PUDP: variants seen among roughly 807,000 people sequenced by gnomAD.
PUDP encodes pseudouridine-5'-phosphatase.
PUDP carries 8 observed loss-of-function variants against 9.4 expected under a neutral mutation model. That is an observed-to-expected ratio of 0.85 (90% CI 0.50 to 1.53). The LOEUF (loss-of-function observed/expected upper bound fraction) is 1.53. Among genes scored for constraint, PUDP ranks in the 40% most tolerant of loss-of-function variants. The pLI, the probability that PUDP is intolerant of heterozygous loss-of-function variation, is 0.00. For missense variants in PUDP, 188 were observed against 189.7 expected, an observed-to-expected ratio of 0.99 and a Z score of 0.05; for synonymous variants, 99 against 80.7, an observed-to-expected ratio of 1.23 and a Z score of -1.22.
intron 1 of PUDP, among the ~76,000 whole-genome samples, chrX:7,143,340 C>T (rs1212077373): frequency 9.0e-6 from 1 of 111,485 alleles, no homozygotes; most frequent in African/African-American, 3.3e-5. Context: ...ATAGTTCTCA[C>T]ACATGCCTGT....
chrX:6,756,814 G>T (rs1192849046), intron 3 of PUDP, among the ~76,000 whole-genome samples: 1 of 111,948 alleles, frequency 8.9e-6, no homozygotes, highest in Non-Finnish European at 1.9e-5. Context: ...AGAAGACATG[G>T]CAAGAAAGAC....
chrX:6,943,986 G>A (rs1213095949), intron 3 of PUDP, among the ~76,000 whole-genome samples: 1 of 111,740 alleles, frequency 8.9e-6, no homozygotes, highest in Admixed American at 9.5e-5. Context: ...CTTCCATTTG[G>A]TCATTTTTGT....
intron 1 of PUDP, among the ~76,000 whole-genome samples, chrX:7,106,359 G>A (rs868083918): frequency 8.9e-6 from 1 of 112,016 alleles, no homozygotes; most frequent in African/African-American, 3.2e-5. Context: ...AGGCTGTCAC[G>A]GGATGGTGAA....
At chrX:6,934,416 A>T (rs1928259872) in intron 3 of PUDP, among the ~76,000 whole-genome samples, 1 of 110,285 alleles carries the variant, frequency 9.1e-6, no homozygotes, top group South Asian at 3.9e-4. Flanking sequence ...AAAATACTTT[A>T]CAGAAAAGCA....
chrX:6,745,012 G>T (rs1466851439), intron 3 of PUDP, among the ~76,000 whole-genome samples: 1 of 111,875 alleles, frequency 8.9e-6, no homozygotes, highest in Non-Finnish European at 1.9e-5. Flanking sequence ...AGCAACTACT[G>T]TGACAATCCT....
At chrX:6,733,668 T>G (rs1437256485) in intron 3 of PUDP, among the ~76,000 whole-genome samples, 1 of 109,571 alleles carries the variant, frequency 9.1e-6, no homozygotes, top group Non-Finnish European at 1.9e-5. Flanking sequence ...GCTGCGGATC[T>G]GATTGGAACA....
chrX:7,119,330 T>C (rs1042839788), intron 1 of PUDP, among the ~76,000 whole-genome samples: 2 of 112,770 alleles, frequency 1.8e-5, no homozygotes, highest in Non-Finnish European at 3.7e-5. Flanking sequence ...GTGCTTTATA[T>C]ATACAGGATA....
chrX:6,783,282 CT>C (rs1303205473), intron 3 of PUDP, among the ~76,000 whole-genome samples: 1 of 111,621 alleles, frequency 9.0e-6, no homozygotes, highest in Non-Finnish European at 1.9e-5. Flanking sequence ...TCCCCATGAT[CT>C]TTTTTTTATT....
chrX:6,909,068 C>T (rs1010430746), intron 3 of PUDP, among the ~76,000 whole-genome samples: 2 of 111,746 alleles, frequency 1.8e-5, no homozygotes, highest in Non-Finnish European at 3.8e-5. Flanking sequence ...ATGCTTTTCA[C>T]TGAAAGAGAC....
chrX:6,933,217 C>T (rs1602678881), intron 3 of PUDP, among the ~76,000 whole-genome samples: 1 of 108,695 alleles, frequency 9.2e-6, no homozygotes, highest in Admixed American at 1.0e-4. Flanking sequence ...CCTGAGCAGC[C>T]TAACTGGGAG....
At chrX:7,017,073 C>T (rs1929560145) in intron 1 of PUDP, among the ~76,000 whole-genome samples, 1 of 111,796 alleles carries the variant, frequency 8.9e-6, no homozygotes, top group African/African-American at 3.3e-5. Flanking sequence ...TAGGGCTTCA[C>T]CCCACTGCCC....
At chrX:6,798,591 T>G (rs1925881497) in intron 3 of PUDP, among the ~76,000 whole-genome samples, 1 of 112,231 alleles carries the variant, frequency 8.9e-6, no homozygotes. Flanking sequence ...AAAGCTATTC[T>G]AATTAAAATA....
intron 3 of PUDP, among the ~76,000 whole-genome samples, chrX:6,751,756 A>G (rs1925089843): frequency 9.0e-6 from 1 of 111,488 alleles, no homozygotes; most frequent in Non-Finnish European, 1.9e-5. Flanking sequence ...TGTATGAATG[A>G]TATTTTGAGT....
chrX:6,742,042 C>G (rs1346014853), intron 3 of PUDP, among the ~76,000 whole-genome samples: 1 of 110,706 alleles, frequency 9.0e-6, no homozygotes, highest in Non-Finnish European at 1.9e-5. Context: ...TTTGTAGAGA[C>G]AGGGTTTCAC....
intron 3 of PUDP, among the ~76,000 whole-genome samples, chrX:6,882,493 TG>T (rs1384171702): frequency 2.7e-5 from 3 of 111,854 alleles, no homozygotes; most frequent in Non-Finnish European, 5.6e-5. Context: ...ATGAAAATGA[TG>T]TTATGCAACC....
chrX:6,766,600 T>G (rs73457864), intron 3 of PUDP, among the ~76,000 whole-genome samples: 3,917 of 111,596 alleles, frequency 0.035, 165 homozygotes, highest in African/African-American at 0.12. Context: ...TAAAACACTA[T>G]AGATATCCAA....
At chrX:6,805,045 T>C (rs1041376075) in intron 3 of PUDP, among the ~76,000 whole-genome samples, 1 of 110,931 alleles carries the variant, frequency 9.0e-6, no homozygotes, top group South Asian at 3.8e-4. Context: ...GGCAGGAGGA[T>C]TGCTTGAGGC....
chrX:6,794,929 T>TA (rs1925817684), intron 3 of PUDP, among the ~76,000 whole-genome samples: 1 of 109,744 alleles, frequency 9.1e-6, no homozygotes, highest in Non-Finnish European at 1.9e-5. Flanking sequence ...TAGGTTTTTT[T>TA]TTTTTTTAGC....
intron 1 of PUDP, among the ~76,000 whole-genome samples, chrX:7,043,003 G>A (rs922596136): frequency 1.8e-5 from 2 of 111,796 alleles, no homozygotes; most frequent in African/African-American, 6.5e-5. Context: ...GCAGAGGGCT[G>A]TGAACACCGG....
Sources: allele counts gnomAD v4.1 joint callset (sites outside exome capture counted in the v4.1 genomes callset), GRCh38; gene constraint gnomAD v4.1.1; transcripts MANE v1.5; gene names NCBI Gene and HGNC (gene_info 2026-07-23, HGNC 2026-07-21).